RCL1: variants seen among roughly 807,000 people sequenced by gnomAD.
RCL1 encodes RNA 3'-terminal phosphate cyclase-like protein.
In RCL1, 24 loss-of-function variants were observed where a neutral mutation model predicts 42.4. The ratio of observed to expected loss-of-function variants is 0.57; its 90% CI spans 0.41 to 0.80. RCL1 has a LOEUF of 0.80. RCL1 is among the 30% of genes least tolerant of loss of function. The pLI, the probability that RCL1 is intolerant of heterozygous loss-of-function variation, is 0.00. For missense variants in RCL1, 578 were observed against 467.9 expected (o/e 1.24, Z -2.17); for synonymous variants, 228 against 177.3 (o/e 1.29, Z -2.27).
Position 4,792,985 on chromosome 9 carries a change from C to CCGCCGCCGTCGGTGT in RCL1, c.-99_-85dup. The CCGCCGCCGTCGGTGT allele has an allele frequency of 7.5e-7, 1 of 1,339,188 alleles. No individual in the cohort carries two copies. Among genetic ancestry groups the CCGCCGCCGTCGGTGT allele is most frequent in the Non-Finnish European group, 1.0e-6 (1 of 995,352 alleles). 83.0% of individuals were successfully genotyped at this position (1,339,188 alleles called of 1,614,324 possible). A position where few individuals can be genotyped will look rare whatever the true frequency, so the allele number is the denominator to read the frequency against. On this transcript the variant is annotated 5_prime_UTR_variant, in exon 1 of 9. Transcript: ENST00000381750. The stretch of plus-strand genomic sequence containing the variant: ...TCTGGGCTGCTGGAGGCAGCCCGAG[C>CCGCCGCCGTCGGTGT]CGCCGCCGTCGGTGTCGCCGCCACC...
chr9:4,823,001 A>G (rs1313091678), intron 1 of RCL1, among the ~76,000 whole-genome samples: 1 of 152,194 alleles, frequency 6.6e-6, no homozygotes, highest in East Asian at 1.9e-4. Context: ...AACTGGTTAG[A>G]TAGTTGAAAT....
chr9:4,849,352 A>G (rs1817633169), intron 7 of RCL1, 95 bp from the exon 8 acceptor site: 1 of 843,334 alleles, frequency 1.2e-6, no homozygotes, highest in African/African-American at 1.7e-5. Flanking sequence ...TTGGATTTTG[A>G]TATTATGAGT....
chr9:4,855,052 CAAAAAAAA>C (rs774233424), intron 8 of RCL1, among the ~76,000 whole-genome samples: 1 of 59,842 alleles, frequency 1.7e-5, no homozygotes, highest in Non-Finnish European at 3.1e-5. Flanking sequence ...GACTCCGTCT[CAAAAAAAA>C]AAAAAAAAAA....
intron 1 of RCL1, among the ~76,000 whole-genome samples, chr9:4,797,668 C>G (rs1015117423): frequency 1.3e-5 from 2 of 152,162 alleles, no homozygotes; most frequent in Non-Finnish European, 2.9e-5. Flanking sequence ...AAACCCTGGC[C>G]TACTTGACAG....
intron 1 of RCL1, among the ~76,000 whole-genome samples, chr9:4,820,355 A>G (rs561993169): frequency 2.6e-5 from 4 of 152,292 alleles, no homozygotes; most frequent in African/African-American, 9.6e-5. Flanking sequence ...TGATGGAGTC[A>G]TATCTTCACT....
intron 1 of RCL1, among the ~76,000 whole-genome samples, chr9:4,812,564 C>T (rs746435618): frequency 1.3e-5 from 2 of 152,096 alleles, no homozygotes; most frequent in Non-Finnish European, 2.9e-5. Context: ...ATTTCAAAGT[C>T]ACGTAGTGTA....
chr9:4,806,625 CACACACACAT>C (rs1815981263), intron 1 of RCL1, among the ~76,000 whole-genome samples: 2 of 149,290 alleles, frequency 1.3e-5, no homozygotes, highest in South Asian at 4.2e-4. Context: ...CACACACACA[CACACACACAT>C]ATACTTACAT....
At chr9:4,828,986 T>C (rs145363165) in intron 3 of RCL1, among the ~76,000 whole-genome samples, 1 of 152,348 alleles carries the variant, frequency 6.6e-6, no homozygotes, top group East Asian at 1.9e-4. Context: ...CCTTCATTTC[T>C]AGCTTCTTCT....
chr9:4,847,678 C>G (rs993193126), intron 7 of RCL1, among the ~76,000 whole-genome samples: 1 of 152,218 alleles, frequency 6.6e-6, no homozygotes, highest in African/African-American at 2.4e-5. Flanking sequence ...GCACAGAGAC[C>G]TTCACTGGCT....
intron 2 of RCL1, among the ~76,000 whole-genome samples, chr9:4,825,847 G>A (rs1816742696): frequency 6.6e-6 from 1 of 151,872 alleles, no homozygotes; most frequent in Non-Finnish European, 1.5e-5. Flanking sequence ...GCACAAGGTG[G>A]TTCATGTCTG....
At chr9:4,836,160 A>G (rs1217325304) in intron 5 of RCL1, among the ~76,000 whole-genome samples, 1 of 152,324 alleles carries the variant, frequency 6.6e-6, no homozygotes, top group East Asian at 1.9e-4. Context: ...CTGAAGGTGT[A>G]ATGTTAACAC....
intron 1 of RCL1, among the ~76,000 whole-genome samples, chr9:4,801,293 T>A (rs1293289524): frequency 6.6e-6 from 1 of 152,184 alleles, no homozygotes; most frequent in Admixed American, 6.5e-5. Context: ...CATCTCAGCC[T>A]CCCGAGTAGC....
At chr9:4,839,939 G>T (rs906226929) in intron 5 of RCL1, 10 of 983,978 alleles carry the variant, frequency 1.0e-5, no homozygotes, top group Non-Finnish European at 1.2e-5. Flanking sequence ...CTGGGAGAAT[G>T]GGGCAAAGCA....
intron 1 of RCL1, among the ~76,000 whole-genome samples, chr9:4,797,318 G>T (rs1842928621): frequency 6.6e-6 from 1 of 152,184 alleles, no homozygotes; most frequent in Non-Finnish European, 1.5e-5. Context: ...CTGGGTATAG[G>T]TCTGCTCCCT....
chr9:4,801,283 C>G (rs1246046250), intron 1 of RCL1, among the ~76,000 whole-genome samples: 1 of 152,100 alleles, frequency 6.6e-6, no homozygotes, highest in African/African-American at 2.4e-5. Context: ...GCAAATCTTT[C>G]ATCTCAGCCT....
chr9:4,805,606 G>C (rs1815914184), intron 1 of RCL1, among the ~76,000 whole-genome samples: 1 of 152,192 alleles, frequency 6.6e-6, no homozygotes, highest in African/African-American at 2.4e-5. Flanking sequence ...TACTCTCTTT[G>C]ACTCATCAGT....
At position 4,793,182 on chromosome 9, in the gene RCL1, A is replaced by G. The variant is rs1842857524; in HGVS notation, c.91A>G (p.Lys31Glu). 6.2e-7 allele frequency: 1 copy of G among 1,610,508 alleles called. No homozygotes were observed. Among genetic ancestry groups the G allele is most frequent in the Non-Finnish European group, 8.5e-7 (1 of 1,178,460 alleles). ...VLSTLSGRPVKIRKIRARDDN... is the reference protein window; with the variant it reads ...VLSTLSGRPVEIRKIRARDDN... The stretch of plus-strand genomic sequence containing the variant: ...GTCTACCCTGAGCGGGCGCCCCGTC[A>G]AAATCCGAAAGATTCGGGCCAGAGA... The change falls in exon 1 of 9, where the codon AAA (lysine) becomes GAA (glutamate). Residue 31 changes from lysine (K) to glutamate (E), a missense_variant. Physicochemically the swap from Lys to Glu is moderately conservative, Grantham distance 56 (BLOSUM62 1). Coordinates refer to ENST00000381750, the MANE Select transcript of RCL1 (RefSeq NM_005772.5).
intron 6 of RCL1, among the ~76,000 whole-genome samples, chr9:4,842,721 C>A (rs1336712580): frequency 6.6e-6 from 1 of 152,164 alleles, no homozygotes; most frequent in Non-Finnish European, 1.5e-5. Context: ...TTCCTTTACT[C>A]TCCCTTGTTG....
Position 4,841,334 on chromosome 9 carries a change from C to T in RCL1, c.687C>T (p.His229=), listed in dbSNP as rs750076209. Reference sequence around the variant, plus strand: ...CTGATATCTATATTTACACAGATCACATGAAAGGAGTCAACTCTGGGAAGT... The same window carrying T: ...CTGATATCTATATTTACACAGATCATATGAAAGGAGTCAACTCTGGGAAGT... ...FIPDIYIYTD[H]MKGVNSGKSP... Residue 229 remains histidine, a synonymous_variant, in exon 6 of 9, where the codon CAC becomes CAT. Transcript: ENST00000381750. 1.2e-6 allele frequency: 2 copies of T among 1,612,930 alleles called. No homozygotes were observed. Among genetic ancestry groups the T allele is most frequent in the Non-Finnish European group, 8.5e-7 (1 of 1,178,956 alleles).
Sources: gnomAD v4.1 joint callset for allele counts (sites outside exome capture counted in the v4.1 genomes callset) on GRCh38, gnomAD v4.1.1 for gene constraint, MANE v1.5 for transcripts, NCBI Gene and HGNC (gene_info 2026-07-23, HGNC 2026-07-21) for gene names.